MYRFL: variants seen among roughly 807,000 people sequenced by gnomAD.
The protein encoded by MYRFL is myelin regulatory factor like, also known as myelin regulatory factor-like protein.
In MYRFL, 88 loss-of-function variants were observed where a neutral mutation model predicts 109.4. The ratio of observed to expected loss-of-function variants is 0.80; its 90% CI spans 0.68 to 0.96. The LOEUF (loss-of-function observed/expected upper bound fraction) is 0.96. Ranked by LOEUF, MYRFL falls within the 40% of genes least tolerant of loss-of-function variation. MYRFL has a pLI of 0.00. For synonymous variants in MYRFL, 324 were observed against 320.9 expected (o/e 1.01, Z -0.10); for missense variants, 957 against 954.9 (o/e 1.00, Z -0.03).
intron 19 of MYRFL, among the ~76,000 whole-genome samples, chr12:69,942,984 A>G (rs12425949): frequency 0.13 from 19,357 of 151,770 alleles, 1,846 homozygotes; most frequent in East Asian, 0.48. Context: ...AGGGATGTGA[A>G]GGACCTCTTC....
intron 11 of MYRFL, among the ~76,000 whole-genome samples, chr12:69,906,501 T>C (rs796674755): frequency 2.6e-5 from 4 of 152,238 alleles, no homozygotes; most frequent in African/African-American, 9.6e-5. Flanking sequence ...GAGAGTTGAA[T>C]ACATCAGTCA....
At chr12:69,893,289 G>A (rs1244752908) in intron 7 of MYRFL, among the ~76,000 whole-genome samples, 1 of 152,214 alleles carries the variant, frequency 6.6e-6, no homozygotes, top group Non-Finnish European at 1.5e-5. Flanking sequence ...TAATTCTTAT[G>A]ATTTGTTTAT....
Position 69,952,176 on chromosome 12 carries a change from G to A in MYRFL, c.2287+1G>A, listed in dbSNP as rs1161532525. 2.6e-6 allele frequency: 4 copies of A among 1,536,010 alleles called. No individual in the cohort carries two copies. Among genetic ancestry groups the A allele is most frequent in the Middle Eastern group, 1.7e-4 (1 of 5,990 alleles). On this transcript the variant is annotated splice_donor_variant, in intron 20 of 24. Coordinates refer to ENST00000552032, the MANE Select transcript of MYRFL (RefSeq NM_182530.3). LOFTEE classifies it high-confidence loss of function. ...AGCGGCCCTGACTGGGAGAGTGACT[G>A]TAAGTTGACATTTAAGTGACACTAT... is the stretch of plus-strand genomic sequence containing the variant.
intron 1 of MYRFL, among the ~76,000 whole-genome samples, chr12:69,836,883 G>C (rs1882975350): frequency 6.6e-6 from 1 of 152,116 alleles, no homozygotes; most frequent in Non-Finnish European, 1.5e-5. Context: ...AAAATCTATA[G>C]ACGGCCACCA....
chr12:69,833,772 A>T (rs1278846775), intron 1 of MYRFL, among the ~76,000 whole-genome samples: 2 of 150,338 alleles, frequency 1.3e-5, no homozygotes, highest in Non-Finnish European at 2.9e-5. Flanking sequence ...CACAGGGAAC[A>T]TCTATAGAGA....
chr12:69,921,968 AT>A (rs1458236165), intron 13 of MYRFL, among the ~76,000 whole-genome samples: 5 of 152,180 alleles, frequency 3.3e-5, no homozygotes, highest in Non-Finnish European at 7.3e-5. Context: ...TAAATCATAA[AT>A]TAATGTATTA....
chr12:69,868,771 C>G (rs1296722336), intron 2 of MYRFL, among the ~76,000 whole-genome samples: 1 of 152,244 alleles, frequency 6.6e-6, no homozygotes, highest in East Asian at 1.9e-4. Flanking sequence ...TGACCTTGAT[C>G]AAGTATTTAT....
intron 7 of MYRFL, 81 bp from the exon 8 acceptor site, chr12:69,893,683 T>A: frequency 1.1e-6 from 1 of 894,942 alleles, no homozygotes; most frequent in Non-Finnish European, 1.5e-6. Context: ...CTTGAAAAGC[T>A]TTTTAAGTAC....
chr12:69,872,929 A>G (rs1885439157), intron 2 of MYRFL, among the ~76,000 whole-genome samples: 1 of 152,136 alleles, frequency 6.6e-6, no homozygotes, highest in Admixed American at 6.5e-5. Context: ...TGCCTGGCCT[A>G]ATTTCTGCCT....
At chr12:69,906,396 G>A (rs934927648) in intron 11 of MYRFL, among the ~76,000 whole-genome samples, 9 of 152,078 alleles carry the variant, frequency 5.9e-5, no homozygotes, top group Non-Finnish European at 1.2e-4. Context: ...CAGCTCTGAC[G>A]GTGGAAACTG....
intron 10 of MYRFL, among the ~76,000 whole-genome samples, chr12:69,901,892 TG>T (rs1954201119): frequency 4.0e-5 from 6 of 149,506 alleles, no homozygotes; most frequent in African/African-American, 7.5e-5. Context: ...TGTTTTTTTT[TG>T]TTTTTTTTAA....
In MYRFL at chr12:69,936,639, G is replaced by T. The variant is rs766871204; in HGVS notation, c.2224+7G>T. 5 of 1,497,758 alleles carry T rather than the reference G, an allele frequency of 3.3e-6. No homozygotes were observed. The highest frequency in any genetic ancestry group is 1.3e-5 in the South Asian group (1 of 79,216). 92.8% of individuals were successfully genotyped at this position (1,497,758 alleles called of 1,614,324 possible). On this transcript the variant is annotated splice_region_variant and intron_variant, in intron 19 of 24. Transcript: ENST00000552032. ...CATCAGAGGCGATGGTCAGGTAAAT[G>T]ATGTTCAAAGAGAAACAACTAGAGC...
At chr12:69,903,430 C>A (rs530662000) in intron 10 of MYRFL, among the ~76,000 whole-genome samples, 1 of 152,126 alleles carries the variant, frequency 6.6e-6, no homozygotes, top group African/African-American at 2.4e-5. Context: ...GTATACAGAG[C>A]TCCTGCTAGC....
intron 13 of MYRFL, among the ~76,000 whole-genome samples, chr12:69,924,625 A>C (rs1955015313): frequency 6.6e-6 from 1 of 152,152 alleles, no homozygotes; most frequent in Non-Finnish European, 1.5e-5. Flanking sequence ...AAATATATGT[A>C]ATTTTGCTAG....
chr12:69,907,896 T>C (rs1454430177), intron 11 of MYRFL, among the ~76,000 whole-genome samples: 1 of 152,190 alleles, frequency 6.6e-6, no homozygotes, highest in Non-Finnish European at 1.5e-5. Flanking sequence ...CTCACAGTGA[T>C]AGATATATGC....
At chr12:69,909,900 C>A in intron 11 of MYRFL, 69 bp from the exon 12 acceptor site, 1 of 1,063,620 alleles carries the variant, frequency 9.4e-7, no homozygotes, top group Non-Finnish European at 1.3e-6. Context: ...GTCTCTGGGT[C>A]ACTCTGGGCA....
At chr12:69,870,010 A>G (rs1276483572) in intron 2 of MYRFL, among the ~76,000 whole-genome samples, 4 of 152,128 alleles carry the variant, frequency 2.6e-5, no homozygotes, top group African/African-American at 9.7e-5. Context: ...CCAAAAGACA[A>G]AAAACAAGTT....
rs533476494 is a variant in MYRFL at position 69,877,511 on chromosome 12, A to C, written c.138-1517A>C. ...AGGCAGTCTTGGTTGTGTTTTGTCC[A>C]TTCTACTAGTTCAGTTATCATCTAT... On this transcript the variant is annotated intron_variant, in intron 2 of 24. Coordinates refer to ENST00000552032, the MANE Select transcript of MYRFL (RefSeq NM_182530.3). 1.8e-4 allele frequency among the ~76,000 whole-genome samples: 27 copies of C among 152,200 alleles called. No individual in the cohort carries two copies. The South Asian group carries it at 4.4e-3, about 25-fold the overall frequency.
chr12:69,942,980 G>A (rs1955710013), intron 19 of MYRFL, among the ~76,000 whole-genome samples: 1 of 151,882 alleles, frequency 6.6e-6, no homozygotes, highest in South Asian at 2.1e-4. Flanking sequence ...TACAAGGGAT[G>A]TGAAGGACCT....
Sources: gnomAD v4.1 joint callset for allele counts (sites outside exome capture counted in the v4.1 genomes callset) on GRCh38, gnomAD v4.1.1 for gene constraint, MANE v1.5 for transcripts, NCBI Gene and HGNC (gene_info 2026-07-23, HGNC 2026-07-21) for gene names.